Variants in GPC5 observed in about 807,000 individuals in gnomAD.
GPC5 encodes the protein glypican 5, also known as glypican-5.
Under a neutral mutation model 53.9 loss-of-function variants are expected in GPC5, and 47 were observed. The observed-to-expected ratio is 0.87, with a 90% CI of 0.69 to 1.11. The LOEUF (loss-of-function observed/expected upper bound fraction) is 1.11, where lower values mean the gene tolerates loss of function less well. Among genes scored for constraint, GPC5 ranks in the 50% most tolerant of loss-of-function variants. The probability of loss-of-function intolerance (pLI) is 0.00; values close to 1 mark genes in which losing one functional copy is unlikely to be tolerated. For synonymous variants in GPC5, 286 were observed against 263.3 expected, an observed-to-expected ratio of 1.09 and a Z score of -0.84; for missense variants, 748 against 713.1, an observed-to-expected ratio of 1.05 and a Z score of -0.56.
Position 92,078,772 on chromosome 13 carries a change from G to A in GPC5, c.1402-66058G>A, listed in dbSNP as rs561954754. 4.6e-5 allele frequency among the ~76,000 whole-genome samples: 7 copies of A among 152,196 alleles called. No homozygotes were observed. The East Asian group carries it at 5.8e-4, about 13-fold the overall frequency. ...TTATTCTTCAGACACTTACCATAACGTGGGGAGGGGTTAGCATTCACCTCT... is the reference window on the plus strand; with the variant it reads ...TTATTCTTCAGACACTTACCATAACATGGGGAGGGGTTAGCATTCACCTCT... On this transcript the variant is annotated intron_variant, in intron 6 of 7. Coordinates refer to ENST00000377067, the MANE Select transcript of GPC5 (RefSeq NM_004466.6).
chr13:92,493,878 T>C (rs775706090), intron 7 of GPC5, among the ~76,000 whole-genome samples: 1 of 152,222 alleles, frequency 6.6e-6, no homozygotes, highest in Admixed American at 6.5e-5. Flanking sequence ...ATAATATGAC[T>C]GATGAGGCAT....
intron 7 of GPC5, among the ~76,000 whole-genome samples, chr13:92,681,510 C>T (rs1032960231): frequency 1.3e-5 from 2 of 152,032 alleles, no homozygotes; most frequent in African/African-American, 4.8e-5. Context: ...GTAATCCAGC[C>T]TCTACACGAC....
intron 5 of GPC5, among the ~76,000 whole-genome samples, chr13:91,772,394 G>A (rs1295240501): frequency 6.6e-6 from 1 of 152,068 alleles, no homozygotes; most frequent in Admixed American, 6.6e-5. Flanking sequence ...TCGTTACTTT[G>A]TATCTGAAAT....
rs1331415986 is a variant in GPC5, at chr13:92,166,954, T to TCA, written c.1561+21966_1561+21967insAC. On this transcript the variant is annotated intron_variant, in intron 7 of 7. Transcript: ENST00000377067. ...CTCTCTCTCTCTCTCTCTCTCTCTC[T>TCA]CTCACACACACACACACACACACAC... Among the ~76,000 whole-genome samples, 82 of 44,654 alleles carry TCA rather than the reference T, an allele frequency of 1.8e-3. No individual in the cohort carries two copies. In the East Asian group the frequency reaches 0.028, roughly 15 times the overall value. 29.3% of individuals were successfully genotyped at this position (44,654 alleles called of 152,430 possible).
intron 7 of GPC5, among the ~76,000 whole-genome samples, chr13:92,749,813 G>T (rs1291960825): frequency 6.6e-6 from 1 of 152,152 alleles, no homozygotes; most frequent in Non-Finnish European, 1.5e-5. Context: ...AAAAAGAAAA[G>T]ACTTATTCAG....
intron 2 of GPC5, among the ~76,000 whole-genome samples, chr13:91,534,955 ATCTAGTGAAACCCACTGAGTGACCT>A (rs1412150958): frequency 2.0e-5 from 3 of 152,176 alleles, no homozygotes; most frequent in Non-Finnish European, 4.4e-5. Context: ...TATGTTAATT[ATCTAGTGAAACCCACTGAGTGACCT>A]TCCATGGCCT....
chr13:92,472,597 C>G (rs1456021704), intron 7 of GPC5, among the ~76,000 whole-genome samples: 1 of 152,064 alleles, frequency 6.6e-6, no homozygotes, highest in Non-Finnish European at 1.5e-5. Context: ...TTTACAACAC[C>G]TAAGTAGTTT....
intron 7 of GPC5, among the ~76,000 whole-genome samples, chr13:92,661,194 C>T (rs1886329034): frequency 6.6e-6 from 1 of 151,890 alleles, no homozygotes. Flanking sequence ...ACTAGGGAGG[C>T]TGAGGTTGGA....
intron 7 of GPC5, among the ~76,000 whole-genome samples, chr13:92,763,313 T>C (rs1204497861): frequency 6.6e-6 from 1 of 152,144 alleles, no homozygotes; most frequent in African/African-American, 2.4e-5. Flanking sequence ...GGGAAGGCCA[T>C]GGTGGCTGAT....
At chr13:92,249,492 G>A (rs994890073) in intron 7 of GPC5, among the ~76,000 whole-genome samples, 1 of 151,998 alleles carries the variant, frequency 6.6e-6, no homozygotes, top group African/African-American at 2.4e-5. Flanking sequence ...ACCCTGCTTG[G>A]TCCAGATAAG....
rs538030363 is a variant in GPC5 at position 91,728,453 on chromosome 13, T to C, written c.1021-79T>C. ...GTGAAAGCAAAAACGTGTCATTGTT[T>C]TGGGCCCTATGAAACATCACATTCT... On this transcript the variant is annotated intron_variant, in intron 3 of 7. Coordinates refer to ENST00000377067, the MANE Select transcript of GPC5 (RefSeq NM_004466.6). 3.6e-6 allele frequency: 5 copies of C among 1,370,304 alleles called. No homozygotes were observed. The African/African-American group carries it at 7.3e-5, about 20-fold the overall frequency. The allele number at this position is 1,370,304 out of a possible 1,614,324, so 84.9% of individuals were successfully genotyped here.
chr13:91,533,069 C>A (rs1164189678), intron 2 of GPC5, among the ~76,000 whole-genome samples: 3 of 152,102 alleles, frequency 2.0e-5, no homozygotes, highest in Non-Finnish European at 2.9e-5. Flanking sequence ...TTTTGAGAAT[C>A]TGAAGTTAGA....
chr13:91,954,787 A>G (rs898130587), intron 6 of GPC5, among the ~76,000 whole-genome samples: 4 of 152,130 alleles, frequency 2.6e-5, no homozygotes, highest in Non-Finnish European at 5.9e-5. Context: ...TGTAAGGATT[A>G]AAGAGAAATA....
chr13:91,611,622 TTCAGC>T (rs2033552152), intron 2 of GPC5, among the ~76,000 whole-genome samples: 1 of 152,220 alleles, frequency 6.6e-6, no homozygotes, highest in Admixed American at 6.5e-5. Flanking sequence ...ATGTTCCAGT[TTCAGC>T]TCATGGGTAC....
At chr13:92,091,424 T>G (rs2041379348) in intron 6 of GPC5, among the ~76,000 whole-genome samples, 1 of 152,162 alleles carries the variant, frequency 6.6e-6, no homozygotes, top group African/African-American at 2.4e-5. Context: ...CAAATAACTA[T>G]AGATATTCAT....
At chr13:92,202,251 A>G (rs1405753230) in intron 7 of GPC5, among the ~76,000 whole-genome samples, 1 of 152,220 alleles carries the variant, frequency 6.6e-6, no homozygotes, top group East Asian at 1.9e-4. Flanking sequence ...GGAATAATGT[A>G]TCTAGATCAC....
At chr13:91,625,579 C>A (rs892854736) in intron 2 of GPC5, among the ~76,000 whole-genome samples, 5 of 151,932 alleles carry the variant, frequency 3.3e-5, no homozygotes, top group African/African-American at 9.7e-5. Flanking sequence ...GACTTAATAT[C>A]TAAAGGCTAT....
At chr13:92,348,635 C>G (rs549688575) in intron 7 of GPC5, among the ~76,000 whole-genome samples, 2 of 152,228 alleles carry the variant, frequency 1.3e-5, no homozygotes, top group South Asian at 4.1e-4. Context: ...ACAATATTCT[C>G]AAGCACACAG....
chr13:92,660,746 T>C (rs1886313750), intron 7 of GPC5, among the ~76,000 whole-genome samples: 1 of 152,106 alleles, frequency 6.6e-6, no homozygotes, highest in South Asian at 2.1e-4. Flanking sequence ...ACAGATCTCT[T>C]AGTCTACATA....
Sources: allele counts gnomAD v4.1 joint callset (sites outside exome capture counted in the v4.1 genomes callset), GRCh38; gene constraint gnomAD v4.1.1; transcripts MANE v1.5; gene names NCBI Gene and HGNC (gene_info 2026-07-23, HGNC 2026-07-21).